The following MARK3 variants were observed in gnomAD, a reference collection of about 807,000 sequenced individuals.
MARK3 encodes the protein microtubule affinity regulating kinase 3, also known as MAP/microtubule affinity-regulating kinase 3.
Under a neutral mutation model 90.1 loss-of-function variants are expected in MARK3, and 46 were observed. That is an observed-to-expected ratio of 0.51 (90% confidence interval 0.40 to 0.65). MARK3 has a LOEUF of 0.65. MARK3 is among the 30% of genes least tolerant of loss of function. MARK3 has a pLI of 0.00. For synonymous variants in MARK3, 321 were observed against 332.6 expected (o/e 0.97, Z 0.38); for missense variants, 818 against 947.2 (o/e 0.86, Z 1.79).
At position 103,500,150 on chromosome 14, in the gene MARK3, A is replaced by C; in HGVS notation, c.1872-6A>C. The C allele has an allele frequency of 1.2e-6, 2 of 1,610,712 alleles. No individual in the cohort carries two copies. The highest frequency in any genetic ancestry group is 1.1e-5 in the South Asian group (1 of 90,654). ...TTCTCTCTGCTTCTACATTCTGTTC[A>C]TTGAGGCTTCCAACTGAATATGAGA... On this transcript the variant is annotated splice_polypyrimidine_tract_variant and splice_region_variant and intron_variant, in intron 16 of 17. Transcript: ENST00000429436.
chr14:103,412,302 A>G, intron 2 of MARK3: 1 of 641,470 alleles, frequency 1.6e-6, no homozygotes, highest in South Asian at 1.8e-5. Flanking sequence ...TTCATATGAA[A>G]CTTGATTGTG....
chr14:103,423,214 T>TTTTTTTTTTTTTTTC (rs2092287011), intron 2 of MARK3, among the ~76,000 whole-genome samples: 1 of 147,668 alleles, frequency 6.8e-6, no homozygotes, highest in Admixed American at 6.8e-5. Context: ...TTTTTTTTTT[T>TTTTTTTTTTTTTTTC]GCCTCCTCTT....
intron 2 of MARK3, chr14:103,412,351 G>GT: frequency 1.6e-6 from 1 of 627,938 alleles, no homozygotes; most frequent in Non-Finnish European, 2.8e-6. Flanking sequence ...TGTTTTCATC[G>GT]TGTGTGAGCA....
chr14:103,467,544 G>A (rs766618433), intron 11 of MARK3: 21 of 164,560 alleles, frequency 1.3e-4, no homozygotes, highest in Non-Finnish European at 2.4e-4. Flanking sequence ...GCGTGTTGGC[G>A]CTTGCCTGTA....
At chr14:103,468,836 C>G (rs1042033687) in intron 12 of MARK3, among the ~76,000 whole-genome samples, 3 of 150,518 alleles carry the variant, frequency 2.0e-5, no homozygotes, top group Non-Finnish European at 3.0e-5. Flanking sequence ...GCTATGTTGC[C>G]CAAGCTGGTC....
intron 4 of MARK3, among the ~76,000 whole-genome samples, chr14:103,451,418 A>T (rs556806568): frequency 6.6e-6 from 1 of 152,324 alleles, no homozygotes; most frequent in South Asian, 2.1e-4. Context: ...GGCATCAGAA[A>T]AGTAACAAAG....
intron 1 of MARK3, among the ~76,000 whole-genome samples, chr14:103,392,316 G>C (rs753794279): frequency 6.6e-6 from 1 of 152,176 alleles, no homozygotes; most frequent in East Asian, 1.9e-4. Flanking sequence ...GGACAAAGCA[G>C]CCTGAGCTTT....
At chr14:103,458,865 G>A (rs1566880374) in intron 6 of MARK3, 3 of 543,496 alleles carry the variant, frequency 5.5e-6, no homozygotes, top group Middle Eastern at 3.3e-4. Flanking sequence ...AATACTAATG[G>A]TACTTTGAAT....
chr14:103,500,329 G>A (rs759950466), intron 17 of MARK3, 129 bp downstream of exon 17: 2 of 669,428 alleles, frequency 3.0e-6, no homozygotes, highest in Non-Finnish European at 5.0e-6. Context: ...TAGAGAGGGT[G>A]GCCACAAGGG....
At chr14:103,428,493 C>T in intron 3 of MARK3, 53 bp downstream of exon 3, 1 of 1,040,890 alleles carries the variant, frequency 9.6e-7, no homozygotes, top group Non-Finnish European at 1.4e-6. Context: ...GTGCTAATTG[C>T]CATCTAATTT....
At chr14:103,412,137 CT>C in intron 2 of MARK3, 1 of 1,324,116 alleles carries the variant, frequency 7.6e-7, no homozygotes, top group Non-Finnish European at 1.0e-6. Flanking sequence ...GGCGCTGGGG[CT>C]TGCCCGTGGT....
At chr14:103,432,966 C>T (rs761895270) in intron 3 of MARK3, among the ~76,000 whole-genome samples, 2 of 152,114 alleles carry the variant, frequency 1.3e-5, no homozygotes, top group Non-Finnish European at 2.9e-5. Flanking sequence ...GACTATACCA[C>T]ATAGAAAAGT....
chr14:103,434,635 T>A (rs1566836326), intron 3 of MARK3, among the ~76,000 whole-genome samples: 1 of 152,190 alleles, frequency 6.6e-6, no homozygotes. Flanking sequence ...GGCCTACACA[T>A]CAGGCATGAG....
chr14:103,442,080 C>G, intron 3 of MARK3, among the ~76,000 whole-genome samples: 1 of 152,020 alleles, frequency 6.6e-6, no homozygotes, highest in East Asian at 1.9e-4. Flanking sequence ...ATATACAGCA[C>G]CTCCATGGCC....
At chr14:103,391,002 C>T (rs1052469373) in intron 1 of MARK3, among the ~76,000 whole-genome samples, 1 of 152,180 alleles carries the variant, frequency 6.6e-6, no homozygotes, top group African/African-American at 2.4e-5. Context: ...TGAGCCACCA[C>T]ACTCAGTCAA....
At chr14:103,386,140 C>A in intron 1 of MARK3, 60 bp downstream of exon 1, 1 of 1,468,880 alleles carries the variant, frequency 6.8e-7, no homozygotes, top group South Asian at 1.1e-5. Flanking sequence ...GCTCCTCGGG[C>A]AGTGCCTTGC....
intron 12 of MARK3, among the ~76,000 whole-genome samples, chr14:103,472,035 C>A (rs553264021): frequency 2.2e-4 from 33 of 151,104 alleles, no homozygotes; most frequent in African/African-American, 7.8e-4. Flanking sequence ...ATGGTGAAAC[C>A]CTGTCTCTAC....
At chr14:103,414,928 C>G (rs895494968) in intron 2 of MARK3, among the ~76,000 whole-genome samples, 1 of 151,774 alleles carries the variant, frequency 6.6e-6, no homozygotes, top group Non-Finnish European at 1.5e-5. Flanking sequence ...GTCAAGAGAT[C>G]GAGACCTGAG....
At chr14:103,437,571 C>T (rs2092746567) in intron 3 of MARK3, among the ~76,000 whole-genome samples, 1 of 152,178 alleles carries the variant, frequency 6.6e-6, no homozygotes, top group African/African-American at 2.4e-5. Flanking sequence ...TACAGGCACA[C>T]ACCACCATAC....
Sources: allele counts gnomAD v4.1 joint callset (sites outside exome capture counted in the v4.1 genomes callset), GRCh38; gene constraint gnomAD v4.1.1; transcripts MANE v1.5; gene names NCBI Gene and HGNC (gene_info 2026-07-23, HGNC 2026-07-21).